The following MDGA1 variants were observed in gnomAD, a reference collection of about 807,000 sequenced individuals.
The protein encoded by MDGA1 is MAM domain-containing glycosylphosphatidylinositol anchor protein 1.
Under a neutral mutation model 101.5 loss-of-function variants are expected in MDGA1, and 54 were observed. The observed-to-expected ratio is 0.53, with a 90% CI of 0.43 to 0.67. The LOEUF (loss-of-function observed/expected upper bound fraction) is 0.67, where lower values mean the gene tolerates loss of function less well. Ranked by LOEUF, MDGA1 falls within the 30% of genes least tolerant of loss-of-function variation. MDGA1 has a pLI of 0.00. For missense variants in MDGA1, 1,083 were observed against 1,323.8 expected (o/e 0.82, Z 2.82); for synonymous variants, 533 against 558.3 (o/e 0.95, Z 0.64).
At chr6:37,657,472 T>G (rs73413388) in intron 3 of MDGA1, among the ~76,000 whole-genome samples, 3,344 of 152,216 alleles carry the variant, frequency 0.022, 125 homozygotes, top group African/African-American at 0.074. Flanking sequence ...GCCAATAACC[T>G]AAGAAATGGC....
intron 1 of MDGA1, among the ~76,000 whole-genome samples, chr6:37,686,078 A>G (rs959553285): frequency 2.6e-5 from 4 of 152,160 alleles, no homozygotes; most frequent in South Asian, 2.1e-4. Context: ...ATTTTCTCAG[A>G]TGGGAATGTG....
Position 37,635,296 on chromosome 6 carries a change from G to T in MDGA1, c.*2072C>A. On this transcript the variant is annotated 3_prime_UTR_variant, in exon 17 of 17. Transcript: ENST00000434837. Reference sequence around the variant, plus strand: ...AGTGGTTTCCACACCAGGCTCACTTGTGCTGGGCACGAGCGGGAGGTGGCG... The same window carrying T: ...AGTGGTTTCCACACCAGGCTCACTTTTGCTGGGCACGAGCGGGAGGTGGCG... The T allele has an allele frequency of 2.5e-6, 1 of 396,926 alleles. No homozygotes were observed. The highest frequency in any genetic ancestry group is 2.1e-5 in the African/African-American group (1 of 48,728). 24.6% of individuals were successfully genotyped at this position (396,926 alleles called of 1,614,324 possible).
chr6:37,681,215 G>A (rs912038477), intron 1 of MDGA1, among the ~76,000 whole-genome samples: 3 of 152,208 alleles, frequency 2.0e-5, no homozygotes, highest in African/African-American at 7.2e-5. Flanking sequence ...GGCTCACGAT[G>A]GGGGATATTT....
intron 1 of MDGA1, among the ~76,000 whole-genome samples, chr6:37,688,166 C>A (rs1243330579): frequency 6.6e-6 from 1 of 152,242 alleles, no homozygotes; most frequent in East Asian, 1.9e-4. Flanking sequence ...AAGAAGACAT[C>A]TGTTTTGGTC....
In MDGA1 at chr6:37,678,769, C is replaced by T. The variant is rs527529379; in HGVS notation, c.68-14663G>A. ...TTCAGCTGTCTTCTGAGAGGCCTTCCCTGAACACCCTGTTTAAGACAGCCC... is the reference window on the plus strand; with the variant it reads ...TTCAGCTGTCTTCTGAGAGGCCTTCTCTGAACACCCTGTTTAAGACAGCCC... On this transcript the variant is annotated intron_variant, in intron 1 of 16. Coordinates refer to ENST00000434837, the MANE Select transcript of MDGA1 (RefSeq NM_153487.4). Among the ~76,000 whole-genome samples the T allele has an allele frequency of 2.6e-4, 40 of 151,852 alleles. No individual in the cohort carries two copies. In the South Asian group the frequency reaches 7.3e-3, roughly 28 times the overall value.
chr6:37,651,872 A>C lies in MDGA1; in HGVS notation c.1312+139T>G, dbSNP rs76792370. 1,792 of 710,868 alleles carry C rather than the reference A, an allele frequency of 2.5e-3. 20 individuals carry two copies. In the African/African-American group the frequency reaches 0.029, roughly 11 times the overall value. 44.0% of individuals were successfully genotyped at this position (710,868 alleles called of 1,614,324 possible). A position where few individuals can be genotyped will look rare whatever the true frequency, so the allele number is the denominator to read the frequency against. Reference sequence around the variant, plus strand: ...GTGCCTGGCATATTAACAGGGACTCAATAAAAGCACGTGGCATGAACAAGT... The same window carrying C: ...GTGCCTGGCATATTAACAGGGACTCCATAAAAGCACGTGGCATGAACAAGT... On this transcript the variant is annotated intron_variant, in intron 7 of 16. Coordinates refer to ENST00000434837, the MANE Select transcript of MDGA1 (RefSeq NM_153487.4).
rs771790622 is a variant in MDGA1, at chr6:37,643,768, C to T, written c.2536+41G>A. ...TGGACCCCACTCCCCTCCCATCCTC[C>T]AGCACACACTTGGTGGAGACTACCT... is the stretch of plus-strand genomic sequence containing the variant. On this transcript the variant is annotated intron_variant, in intron 14 of 16. Transcript: ENST00000434837. The T allele has an allele frequency of 4.3e-6, 7 of 1,610,714 alleles. No homozygotes were observed. In the Admixed American group the frequency reaches 1.2e-4, roughly 27 times the overall value.
At position 37,655,955 on chromosome 6, in the gene MDGA1, A is replaced by G. The variant is rs1761478086; in HGVS notation, c.383-59T>C. ...GGGTGACCCCAAGGTTGGGGGGCTCAGGCTCCTGGCAGCCCTTAGGAAGAG... is the reference window on the plus strand; with the variant it reads ...GGGTGACCCCAAGGTTGGGGGGCTCGGGCTCCTGGCAGCCCTTAGGAAGAG... On this transcript the variant is annotated intron_variant, in intron 3 of 16. Transcript: ENST00000434837. This position sits in a 1 kb window ranked among gnomAD's most constrained non-coding sequence, Gnocchi z 5.1. 1.4e-6 allele frequency: 2 copies of G among 1,454,908 alleles called. No individual in the cohort carries two copies. Among genetic ancestry groups the G allele is most frequent in the Non-Finnish European group, 1.9e-6 (2 of 1,079,128 alleles). The allele number at this position is 1,454,908 out of a possible 1,614,324, so 90.1% of individuals were successfully genotyped here.
intron 14 of MDGA1, among the ~76,000 whole-genome samples, chr6:37,642,699 C>T (rs1764119549): frequency 6.6e-6 from 1 of 152,188 alleles, no homozygotes; most frequent in Admixed American, 6.5e-5. Flanking sequence ...CATGACCATG[C>T]CGCGGGGTCA....
intron 13 of MDGA1, 99 bp from the exon 14 acceptor site, chr6:37,644,042 A>G: frequency 6.7e-7 from 1 of 1,481,868 alleles, no homozygotes; most frequent in African/African-American, 1.4e-5. Flanking sequence ...CTGAATCTGA[A>G]GTGCCTCGCC....
At chr6:37,643,251 C>T (rs956412765) in intron 14 of MDGA1, 2 of 152,648 alleles carry the variant, frequency 1.3e-5, no homozygotes, top group Non-Finnish European at 2.9e-5. Context: ...ACTTCCATCT[C>T]ATCCTGCTGG....
In MDGA1 at chr6:37,655,041, C is replaced by T; in HGVS notation, c.580-109G>A. 1.5e-6 allele frequency: 2 copies of T among 1,361,090 alleles called. No individual in the cohort carries two copies. 84.3% of individuals were successfully genotyped at this position (1,361,090 alleles called of 1,614,324 possible). A position where few individuals can be genotyped will look rare whatever the true frequency, so the allele number is the denominator to read the frequency against. ...TACCACAAATGCCTGTCTAATTCCTCTCTTTCCATCCCCAACCCCACCCTC... is the reference window on the plus strand; with the variant it reads ...TACCACAAATGCCTGTCTAATTCCTTTCTTTCCATCCCCAACCCCACCCTC... On this transcript the variant is annotated intron_variant, in intron 4 of 16. Transcript: ENST00000434837. The surrounding 1 kb of genome is among the most constrained non-coding windows in gnomAD (Gnocchi z 5.1).
rs1344126870 is a variant in MDGA1 at position 37,638,300 on chromosome 6, C to G, written c.2681G>C (p.Gly894Ala). Residue 894 changes from glycine to alanine, a missense_variant, in exon 16 of 17, where the codon GGG becomes GCG. Physicochemically the swap from Gly to Ala is moderately conservative, Grantham distance 60. Transcript: ENST00000434837. The surrounding 1 kb of genome is among the most constrained non-coding windows in gnomAD (Gnocchi z 4.8). ...PSGPFQIIFE[G>A]VRGPGYLGDI... ...CCCCAGGTAGCCCGGGCCTCGAACC[C>G]CCTCAAAAATAATCTGGGGTGGGGT... 1.2e-6 allele frequency: 2 copies of G among 1,608,110 alleles called. No individual in the cohort carries two copies. Among genetic ancestry groups the G allele is most frequent in the Non-Finnish European group, 1.7e-6 (2 of 1,176,798 alleles).
At chr6:37,666,986 T>G (rs1477601658) in intron 1 of MDGA1, among the ~76,000 whole-genome samples, 1 of 152,220 alleles carries the variant, frequency 6.6e-6, no homozygotes, top group East Asian at 1.9e-4. Flanking sequence ...CCCTAAGAAC[T>G]CACAACGGTA....
At chr6:37,692,053 G>A (rs1762318321) in intron 1 of MDGA1, among the ~76,000 whole-genome samples, 2 of 152,354 alleles carry the variant, frequency 1.3e-5, no homozygotes, top group Middle Eastern at 3.4e-3. Flanking sequence ...GCTGGAGGGA[G>A]GCTTGGAGTT....
chr6:37,649,389 G>A (rs1581854022), intron 8 of MDGA1, 123 bp from the exon 9 acceptor site: 3 of 1,383,070 alleles, frequency 2.2e-6, no homozygotes, highest in Non-Finnish European at 2.8e-6. Flanking sequence ...AAATCCCAGG[G>A]CGGATGCACA....
At position 37,697,661 on chromosome 6, in the gene MDGA1, C is replaced by G. The variant is rs1242674294; in HGVS notation, c.-850G>C. 6.6e-6 allele frequency: 1 copy of G among 151,738 alleles called. No individual in the cohort carries two copies. The highest frequency in any genetic ancestry group is 1.5e-5 in the Non-Finnish European group (1 of 67,950). The allele number at this position is 151,738 out of a possible 1,614,324, so 9.4% of individuals were successfully genotyped here. A position where few individuals can be genotyped will look rare whatever the true frequency, so the allele number is the denominator to read the frequency against. On this transcript the variant is annotated 5_prime_UTR_variant, in exon 1 of 17. Coordinates refer to ENST00000434837, the MANE Select transcript of MDGA1 (RefSeq NM_153487.4). The stretch of plus-strand genomic sequence containing the variant: ...GCTCGCCGCCTCCGCTCGCCGCGCT[C>G]CTCTCCCGCCGTCTGGCCGCGGCCG...
rs1240055229 is a variant in MDGA1, at chr6:37,649,151, C to T, written c.1725G>A (p.Trp575Ter). 3.3e-6 allele frequency: 5 copies of T among 1,509,262 alleles called. No homozygotes were observed. Among genetic ancestry groups the T allele is most frequent in the Non-Finnish European group, 4.4e-6 (5 of 1,135,034 alleles). The allele number at this position is 1,509,262 out of a possible 1,614,324, so 93.5% of individuals were successfully genotyped here. Residue 575 changes from tryptophan (W) to a stop codon, truncating the protein, a stop_gained, in exon 9 of 17, where the codon TGG becomes TGA. Transcript: ENST00000434837. LOFTEE classifies it high-confidence loss of function. ...GCGGCAGCAGCTGCCCTTTGAAACG[C>T]CACACAGCCGAGGCGATGCGCTGGG... Reference protein sequence around the residue: ...GSPQRIASAVWRFKGQLLPPP... With the variant: ...GSPQRIASAV
Position 37,638,567 on chromosome 6 carries a change from A to G in MDGA1, c.2637T>C (p.His879=). ...GNKGNVWQQA[H]VPISPSGPFQ... is the part of the protein sequence containing the mutation. ...AGGGCCCACTGGGGCTGATGGGCACATGGGCCTGCTGCCACACATTGCCCT... is the reference window on the plus strand; with the variant it reads ...AGGGCCCACTGGGGCTGATGGGCACGTGGGCCTGCTGCCACACATTGCCCT... The change falls in exon 15 of 17, where the codon CAT becomes CAC. Residue 879 remains histidine, a synonymous_variant. Coordinates refer to ENST00000434837, the MANE Select transcript of MDGA1 (RefSeq NM_153487.4). This position sits in a 1 kb window ranked among gnomAD's most constrained non-coding sequence, Gnocchi z 4.8. 6.2e-7 allele frequency: 1 copy of G among 1,613,962 alleles called. No individual in the cohort carries two copies. Among genetic ancestry groups the G allele is most frequent in the Non-Finnish European group, 8.5e-7 (1 of 1,179,876 alleles).
Sources: allele counts gnomAD v4.1 joint callset (sites outside exome capture counted in the v4.1 genomes callset), GRCh38; gene constraint gnomAD v4.1.1; non-coding constraint Gnocchi (gnomAD v3.1); transcripts MANE v1.5; gene names NCBI Gene and HGNC (gene_info 2026-07-23, HGNC 2026-07-21).